The following VPS37A variants were observed in gnomAD, a reference collection of about 807,000 sequenced individuals.
The protein encoded by VPS37A is vacuolar protein sorting-associated protein 37A.
Under a neutral mutation model 49.8 loss-of-function variants are expected in VPS37A, and 30 were observed. The observed-to-expected ratio is 0.60, with a 90% confidence interval of 0.45 to 0.82. The LOEUF is 0.82. Among genes scored for constraint, VPS37A ranks in the 40% least tolerant of loss-of-function variants. The pLI is 0.00. For synonymous variants in VPS37A, 195 were observed against 160.6 expected, an observed-to-expected ratio of 1.21 and a Z score of -1.62; for missense variants, 593 against 464.4, an observed-to-expected ratio of 1.28 and a Z score of -2.55.
At chr8:17,304,767 GTT>G (rs1554504617), downstream of VPS37A, among the ~76,000 whole-genome samples, 1 of 145,036 alleles carries the variant, frequency 6.9e-6, no homozygotes, top group Non-Finnish European at 1.5e-5. Context: ...GTGTGTGTGT[GTT>G]AAGCTGTTCT....
At chr8:17,313,764 C>A in the VPS37A span, among the ~76,000 whole-genome samples, 3 of 152,086 alleles carry the variant, frequency 2.0e-5, no homozygotes, top group African/African-American at 7.2e-5. Flanking sequence ...ATTGGGAGTG[C>A]TATGAGGAAA....
At chr8:17,326,734 G>T in the VPS37A span, among the ~76,000 whole-genome samples, 1,114 of 152,298 alleles carry the variant, frequency 7.3e-3, 13 homozygotes, top group African/African-American at 0.025. Flanking sequence ...TTGGAAGTAG[G>T]TTCTTCCCTG....
chr8:17,247,750 G>C (rs1053713716), intron 1 of VPS37A: 10 of 702,630 alleles, frequency 1.4e-5, no homozygotes, highest in African/African-American at 1.4e-4. Flanking sequence ...AAATACAATT[G>C]TGAAGAGTAA....
the VPS37A span, among the ~76,000 whole-genome samples, chr8:17,310,099 C>T: frequency 3.3e-5 from 5 of 152,094 alleles, no homozygotes; most frequent in African/African-American, 9.7e-5. Context: ...CTCCTGAGCT[C>T]GAGCGATCCT....
chr8:17,269,866 A>T (rs925725716), intron 4 of VPS37A, among the ~76,000 whole-genome samples: 16 of 152,154 alleles, frequency 1.1e-4, no homozygotes, highest in Admixed American at 7.9e-4. Flanking sequence ...TTGCATTGCT[A>T]TAAAGGAATA....
At chr8:17,253,078 C>G (rs549357698) in intron 1 of VPS37A, among the ~76,000 whole-genome samples, 31 of 152,174 alleles carry the variant, frequency 2.0e-4, no homozygotes, top group African/African-American at 7.2e-4. Flanking sequence ...CTCAAGTGCT[C>G]AGTTAATTTT....
At chr8:17,286,659 C>G in intron 11 of VPS37A, 1 of 428,658 alleles carries the variant, frequency 2.3e-6, no homozygotes, top group Non-Finnish European at 4.1e-6. Flanking sequence ...ATTTTTTTAA[C>G]ATTAGCTGCT....
At chr8:17,310,479 GA>G in the VPS37A span, among the ~76,000 whole-genome samples, 4 of 152,152 alleles carry the variant, frequency 2.6e-5, no homozygotes, top group Non-Finnish European at 5.9e-5. Flanking sequence ...AGAACAAGTT[GA>G]TGATGGAAAC....
chr8:17,303,848 G>A (rs2150466217), downstream of VPS37A, among the ~76,000 whole-genome samples: 1 of 152,224 alleles, frequency 6.6e-6, no homozygotes, highest in Middle Eastern at 3.4e-3. Flanking sequence ...GACCTAGGGT[G>A]ATCCACCCGC....
downstream of VPS37A, chr8:17,302,358 CT>C: frequency 9.6e-6 from 14 of 1,462,178 alleles, no homozygotes; most frequent in South Asian, 1.4e-5. Flanking sequence ...TCTAAGGTAT[CT>C]ATGATACCAC....
At chr8:17,305,814 T>A (rs756189120), downstream of VPS37A, 16 of 1,613,696 alleles carry the variant, frequency 9.9e-6, no homozygotes, top group Non-Finnish European at 1.4e-5. Context: ...CTGGCAGGAA[T>A]AAATGTGATG....
At chr8:17,279,723 T>A in intron 6 of VPS37A, 1 of 446,270 alleles carries the variant, frequency 2.2e-6, no homozygotes, top group Non-Finnish European at 4.4e-6. Flanking sequence ...TAATTTCAGG[T>A]CACTGTATAA....
intron 11 of VPS37A, among the ~76,000 whole-genome samples, chr8:17,292,531 G>A (rs1816248432): frequency 6.6e-6 from 1 of 152,166 alleles, no homozygotes; most frequent in Non-Finnish European, 1.5e-5. Flanking sequence ...TTGCCCATTA[G>A]TTGATGCAGT....
intron 11 of VPS37A, 78 bp downstream of exon 11, chr8:17,286,505 G>A: frequency 7.9e-7 from 1 of 1,264,196 alleles, no homozygotes; most frequent in Non-Finnish European, 1.1e-6. Flanking sequence ...AACGGTGCCT[G>A]TTCATCAGCC....
chr8:17,304,768 T>TGTGTGTGTGTGTGTGTGTG (rs1563315402), downstream of VPS37A, among the ~76,000 whole-genome samples: 5 of 147,630 alleles, frequency 3.4e-5, no homozygotes, highest in Admixed American at 6.8e-5. Context: ...TGTGTGTGTG[T>TGTGTGTGTGTGTGTGTGTG]TAAGCTGTTC....
At chr8:17,262,803 C>A (rs1437634177) in intron 1 of VPS37A, among the ~76,000 whole-genome samples, 1 of 152,106 alleles carries the variant, frequency 6.6e-6, no homozygotes, top group Admixed American at 6.5e-5. Flanking sequence ...TGACTCACGC[C>A]TGTAATCCTA....
At chr8:17,309,478 T>C in the VPS37A span, 9 of 653,128 alleles carry the variant, frequency 1.4e-5, no homozygotes, top group East Asian at 2.7e-5. Flanking sequence ...TCCACCCATA[T>C]AGAGATGCAC....
chr8:17,317,649 C>G, the VPS37A span, among the ~76,000 whole-genome samples: 2 of 152,132 alleles, frequency 1.3e-5, no homozygotes, highest in Admixed American at 6.5e-5. Context: ...AGGAAGGAGG[C>G]TGGGACCCAA....
At chr8:17,290,452 T>C (rs1347117562) in intron 11 of VPS37A, among the ~76,000 whole-genome samples, 1 of 152,230 alleles carries the variant, frequency 6.6e-6, no homozygotes, top group African/African-American at 2.4e-5. Flanking sequence ...GTTTTTGTCA[T>C]TGCCTCTGTT....
Sources: gnomAD v4.1 joint callset for allele counts (sites outside exome capture counted in the v4.1 genomes callset) on GRCh38, gnomAD v4.1.1 for gene constraint, MANE v1.5 for transcripts, NCBI Gene and HGNC (gene_info 2026-07-23, HGNC 2026-07-21) for gene names.